Variants in KIF20B observed in about 807,000 individuals in gnomAD.
KIF20B encodes kinesin family member 20B.
A neutral mutation model predicts 232.5 loss-of-function variants in KIF20B; 188 were observed. The ratio of observed to expected loss-of-function variants is 0.81; its 90% CI spans 0.72 to 0.91. The LOEUF (loss-of-function observed/expected upper bound fraction) is 0.91, where lower values mean the gene tolerates loss of function less well. KIF20B is among the 40% of genes least tolerant of loss of function. KIF20B has a pLI of 0.00. For missense variants in KIF20B, 2,154 were observed against 2,055.9 expected, an observed-to-expected ratio of 1.05 and a Z score of -0.92; for synonymous variants, 712 against 683.0, an observed-to-expected ratio of 1.04 and a Z score of -0.66.
At chr10:89,708,269 TG>T (rs538334652) in intron 2 of KIF20B, among the ~76,000 whole-genome samples, 155 of 151,988 alleles carry the variant, frequency 1.0e-3, no homozygotes, top group African/African-American at 3.6e-3. Context: ...TGGAGTGCAA[TG>T]GCGCCATCTT....
intron 21 of KIF20B, among the ~76,000 whole-genome samples, chr10:89,740,281 A>T (rs1028891687): frequency 1.3e-4 from 19 of 148,234 alleles, no homozygotes; most frequent in African/African-American, 4.5e-4. Context: ...TTACTTATTT[A>T]AAAAAAATTT....
At chr10:89,716,869 C>T (rs532309702) in intron 9 of KIF20B, among the ~76,000 whole-genome samples, 1 of 152,020 alleles carries the variant, frequency 6.6e-6, no homozygotes, top group Non-Finnish European at 1.5e-5. Context: ...CCCCTGAATA[C>T]TATATAAATA....
intron 26 of KIF20B, among the ~76,000 whole-genome samples, chr10:89,756,108 G>A (rs1027062711): frequency 2.6e-5 from 4 of 152,168 alleles, no homozygotes; most frequent in Non-Finnish European, 5.9e-5. Context: ...TGGTTGAAGT[G>A]TGTGTCCTTT....
intron 29 of KIF20B, among the ~76,000 whole-genome samples, chr10:89,763,171 C>T (rs952579913): frequency 1.3e-5 from 2 of 152,134 alleles, no homozygotes; most frequent in Non-Finnish European, 1.5e-5. Context: ...ATCTCAGCTA[C>T]TCAGGAGGCT....
In KIF20B at chr10:89,705,041, C is replaced by T. The variant is rs116586927; in HGVS notation, c.-1-253C>T. Among the ~76,000 whole-genome samples, 623 of 152,262 alleles carry T rather than the reference C, an allele frequency of 4.1e-3. 6 individuals carry two copies. The highest frequency in any genetic ancestry group is 0.014 in the African/African-American group (584 of 41,542). ...CATCTTTACAGATTACCTGTACTCA[C>T]GAAACCTCTTTGAATGGATATTATA... On this transcript the variant is annotated intron_variant, in intron 1 of 32. Coordinates refer to ENST00000371728, the MANE Select transcript of KIF20B (RefSeq NM_001284259.2).
At position 89,738,512 on chromosome 10, in the gene KIF20B, A is replaced by G. The variant is rs767360842; in HGVS notation, c.3671A>G (p.Lys1224Arg). The G allele has an allele frequency of 1.9e-6, 3 of 1,603,554 alleles. No homozygotes were observed. Among genetic ancestry groups the G allele is most frequent in the Admixed American group, 3.4e-5 (2 of 58,512 alleles). ...NTKDLNVKEL[K>R]LKEEITQLTN... ...AAAGATTTAAATGTAAAGGAACTCA[A>G]GCTGAAAGAAGAAATCACACAGTTA... The change falls in exon 20 of 33, where the codon AAG becomes AGG. Residue 1224 changes from lysine to arginine, a missense_variant. Transcript: ENST00000371728.
At chr10:89,724,387 C>T (rs949860914) in intron 14 of KIF20B, among the ~76,000 whole-genome samples, 2 of 151,898 alleles carry the variant, frequency 1.3e-5, no homozygotes, top group South Asian at 2.1e-4. Flanking sequence ...ATTAGCTGGG[C>T]GTACTGGCAT....
intron 11 of KIF20B, among the ~76,000 whole-genome samples, chr10:89,717,962 G>T (rs576638536): frequency 6.6e-5 from 10 of 152,256 alleles, no homozygotes; most frequent in African/African-American, 1.9e-4. Context: ...TATACCAATA[G>T]ACACTGTAAA....
intron 1 of KIF20B, 138 bp from the exon 2 acceptor site, chr10:89,705,156 T>A (rs1842695515): frequency 1.5e-6 from 1 of 689,308 alleles, no homozygotes. Flanking sequence ...CATTGTGTTA[T>A]AAATGAAGCA....
intron 2 of KIF20B, 101 bp from the exon 3 acceptor site, chr10:89,709,066 A>G: frequency 1.3e-6 from 1 of 763,200 alleles, no homozygotes; most frequent in Non-Finnish European, 2.2e-6. Context: ...ATTCTTTATC[A>G]TCTCAGATTA....
chr10:89,769,394 C>A (rs977934183), intron 31 of KIF20B, among the ~76,000 whole-genome samples: 5 of 151,876 alleles, frequency 3.3e-5, no homozygotes, highest in Admixed American at 2.0e-4. Context: ...TGGCTTCAGG[C>A]CGCTAAAAGC....
intron 6 of KIF20B, among the ~76,000 whole-genome samples, chr10:89,713,297 G>C (rs1275321971): frequency 6.7e-6 from 1 of 149,766 alleles, no homozygotes; most frequent in Non-Finnish European, 1.5e-5. Flanking sequence ...GGAGGTGGAG[G>C]TTACAGTGAG....
At chr10:89,772,662 G>A (rs1480072427) in intron 31 of KIF20B, 27 bp from the exon 32 acceptor site, 2 of 1,411,884 alleles carry the variant, frequency 1.4e-6, no homozygotes, top group Non-Finnish European at 1.9e-6. Context: ...ATTATTTCAG[G>A]AACTAATTAA....
intron 12 of KIF20B, among the ~76,000 whole-genome samples, chr10:89,719,189 C>G (rs1842996634): frequency 6.6e-6 from 1 of 152,168 alleles, no homozygotes; most frequent in Non-Finnish European, 1.5e-5. Flanking sequence ...AAGATTAATA[C>G]TGAACACTTA....
At chr10:89,769,295 G>T (rs1842423787) in intron 31 of KIF20B, among the ~76,000 whole-genome samples, 1 of 151,838 alleles carries the variant, frequency 6.6e-6, no homozygotes, top group Non-Finnish European at 1.5e-5. Context: ...ACAGTCATGG[G>T]TTCTTAGTTT....
Position 89,709,922 on chromosome 10 carries a change from C to A in KIF20B, c.352-5C>A. 1 of 1,563,132 alleles carries A rather than the reference C, an allele frequency of 6.4e-7. No homozygotes were observed. The highest frequency in any genetic ancestry group is 8.6e-7 in the Non-Finnish European group (1 of 1,159,726). On this transcript the variant is annotated splice_region_variant and splice_polypyrimidine_tract_variant and intron_variant, in intron 4 of 32. Transcript: ENST00000371728. ...AAAAAGAGTTTTTAAAAAATGTTTG[C>A]TTAGGTTTTTGGCCCAGCAACTACA...
At chr10:89,766,559 A>T (rs1176720717) in intron 29 of KIF20B, 1 of 152,170 alleles carries the variant, frequency 6.6e-6, no homozygotes, top group Non-Finnish European at 1.5e-5. Flanking sequence ...CGATGCAGTC[A>T]ACTGGGAGAA....
chr10:89,718,924 C>A, intron 12 of KIF20B, 52 bp downstream of exon 12: 1 of 1,154,638 alleles, frequency 8.7e-7, no homozygotes, highest in South Asian at 1.8e-5. Flanking sequence ...AACAGTTTTT[C>A]TTGAAATAAA....
intron 13 of KIF20B, among the ~76,000 whole-genome samples, chr10:89,723,279 A>G (rs1013111511): frequency 6.6e-6 from 1 of 152,188 alleles, no homozygotes; most frequent in Non-Finnish European, 1.5e-5. Flanking sequence ...AAGAATATGT[A>G]GCTGTTTCCT....
Sources: gnomAD v4.1 joint callset for allele counts (sites outside exome capture counted in the v4.1 genomes callset) on GRCh38, gnomAD v4.1.1 for gene constraint, MANE v1.5 for transcripts, NCBI Gene and HGNC (gene_info 2026-07-23, HGNC 2026-07-21) for gene names.